PCCB: variants seen among roughly 807,000 people sequenced by gnomAD.
PCCB encodes propionyl-CoA carboxylase beta chain, mitochondrial.
In PCCB, 43 loss-of-function variants were observed where a neutral mutation model predicts 60.7. The observed-to-expected ratio is 0.71, with a 90% CI of 0.55 to 0.91. The LOEUF is 0.91. Among genes scored for constraint, PCCB ranks in the 40% least tolerant of loss-of-function variants. The pLI, the probability that PCCB is intolerant of heterozygous loss-of-function variation, is 0.00. For synonymous variants in PCCB, 276 were observed against 255.9 expected, an observed-to-expected ratio of 1.08 and a Z score of -0.75; for missense variants, 766 against 702.8, an observed-to-expected ratio of 1.09 and a Z score of -1.02.
rs1180210426 is a variant in PCCB at position 136,262,163 on chromosome 3, G to A, written c.543+98G>A. 3.8e-6 allele frequency: 3 copies of A among 787,508 alleles called. No individual in the cohort carries two copies. The South Asian group carries it at 4.4e-5, about 12-fold the overall frequency. 48.8% of individuals were successfully genotyped at this position (787,508 alleles called of 1,614,324 possible). On this transcript the variant is annotated intron_variant, in intron 5 of 14. Coordinates refer to ENST00000251654, the MANE Select transcript of PCCB (RefSeq NM_000532.5). Reference sequence around the variant, plus strand: ...TCTCCAACTCTCCTCATTGTTCTCTGCCGCATTGTGTCTGTTCTGTGGGTC... The same window carrying A: ...TCTCCAACTCTCCTCATTGTTCTCTACCGCATTGTGTCTGTTCTGTGGGTC...
intron 1 of PCCB, among the ~76,000 whole-genome samples, chr3:136,253,243 C>G (rs1446005005): frequency 6.6e-6 from 1 of 151,940 alleles, no homozygotes; most frequent in Non-Finnish European, 1.5e-5. Flanking sequence ...GTGCCCACCA[C>G]CACACCTGGC....
chr3:136,317,203 T>C, intron 10 of PCCB, 139 bp downstream of exon 10: 1 of 477,406 alleles, frequency 2.1e-6, no homozygotes, highest in Non-Finnish European at 3.5e-6. Context: ...ATGGTTGTTA[T>C]AAAAGCTAAT....
intron 8 of PCCB, among the ~76,000 whole-genome samples, chr3:136,299,933 T>C (rs551479922): frequency 6.6e-6 from 1 of 152,086 alleles, no homozygotes; most frequent in East Asian, 1.9e-4. Flanking sequence ...CATATGTATA[T>C]GTATACGCAT....
chr3:136,297,076 T>C lies in PCCB; in HGVS notation c.764-876T>C, dbSNP rs977533279. On this transcript the variant is annotated intron_variant, in intron 7 of 14. Coordinates refer to ENST00000251654, the MANE Select transcript of PCCB (RefSeq NM_000532.5). ...GGACTGGGATTGTTGTAGTTTCAAA[T>C]AGGGTGGTAACAGTAGGCCTCACTG... Among the ~76,000 whole-genome samples, 18 of 152,260 alleles carry C rather than the reference T, an allele frequency of 1.2e-4. No individual in the cohort carries two copies. In the East Asian group the frequency reaches 1.4e-3, roughly 11 times the overall value.
intron 8 of PCCB, 98 bp from the exon 9 acceptor site, chr3:136,300,932 C>T (rs1165912906): frequency 2.4e-6 from 2 of 840,748 alleles, no homozygotes; most frequent in African/African-American, 3.3e-5. Context: ...TGGCCCAGTC[C>T]CTATGACGTG....
intron 10 of PCCB, chr3:136,326,304 C>T (rs1433143579): frequency 1.4e-6 from 1 of 702,270 alleles, no homozygotes; most frequent in African/African-American, 1.7e-5. Flanking sequence ...TAATTGAGCT[C>T]CTACTCTGTG....
chr3:136,261,741 T>G (rs904179813), intron 4 of PCCB, among the ~76,000 whole-genome samples: 2 of 152,104 alleles, frequency 1.3e-5, no homozygotes, highest in Non-Finnish European at 2.9e-5. Flanking sequence ...GGCTCTTGGG[T>G]GTTTGGGGGC....
chr3:136,255,149 C>T (rs1941634869), intron 1 of PCCB, among the ~76,000 whole-genome samples: 1 of 152,178 alleles, frequency 6.6e-6, no homozygotes, highest in African/African-American at 2.4e-5. Flanking sequence ...GCTGGGATTA[C>T]AGGCGTGAAC....
intron 9 of PCCB, among the ~76,000 whole-genome samples, chr3:136,311,967 A>C (rs1934686273): frequency 6.6e-6 from 1 of 152,220 alleles, no homozygotes; most frequent in African/African-American, 2.4e-5. Context: ...GTGCACATGG[A>C]AAAATAAAAG....
chr3:136,319,621 CTCCTGACT>C (rs1935038594), intron 10 of PCCB, among the ~76,000 whole-genome samples: 1 of 152,166 alleles, frequency 6.6e-6, no homozygotes, highest in South Asian at 2.1e-4. Context: ...TGGTCTCGAA[CTCCTGACT>C]TCCAGTGATC....
intron 3 of PCCB, chr3:136,260,198 C>G: frequency 2.1e-6 from 1 of 480,052 alleles, no homozygotes; most frequent in Non-Finnish European, 3.8e-6. Flanking sequence ...CTCAGCCTCC[C>G]GAGTAGCTGG....
chr3:136,320,078 T>G lies in PCCB; in HGVS notation c.1090+3014T>G, dbSNP rs564399499. Among the ~76,000 whole-genome samples, 16 of 152,362 alleles carry G rather than the reference T, an allele frequency of 1.1e-4. No homozygotes were observed. In the East Asian group the frequency reaches 2.9e-3, roughly 28 times the overall value. On this transcript the variant is annotated intron_variant, in intron 10 of 14. Transcript: ENST00000251654. ...GTCTGTATGTCTGTCCATATTCCAG[T>G]GTCACACTGTTTTGATTACTGTAGC...
chr3:136,268,090 A>ATATATATATGTATATG (rs1306316170), intron 5 of PCCB, among the ~76,000 whole-genome samples: 2 of 59,938 alleles, frequency 3.3e-5, no homozygotes, highest in African/African-American at 1.7e-4. Context: ...GTGTGTAGAT[A>ATATATATATGTATATG]TATATATATA....
intron 5 of PCCB, among the ~76,000 whole-genome samples, chr3:136,272,176 AT>A (rs1560004743): frequency 6.6e-6 from 1 of 152,118 alleles, no homozygotes; most frequent in Non-Finnish European, 1.5e-5. Flanking sequence ...TGACTTGCAT[AT>A]GTTAAACCAT....
At chr3:136,280,958 A>G (rs924582353) in intron 5 of PCCB, among the ~76,000 whole-genome samples, 1 of 152,194 alleles carries the variant, frequency 6.6e-6, no homozygotes, top group Admixed American at 6.5e-5. Flanking sequence ...CTGACTTTTC[A>G]GTACTTTAAA....
chr3:136,295,919 T>C (rs1933913064), intron 7 of PCCB, among the ~76,000 whole-genome samples: 1 of 152,012 alleles, frequency 6.6e-6, no homozygotes, highest in African/African-American at 2.4e-5. Context: ...CAATCTCAAG[T>C]ACGTTTTGTT....
chr3:136,329,945 C>G lies in PCCB; in HGVS notation c.1539C>G (p.Ala513=), dbSNP rs2108241686. 5 of 1,614,126 alleles carry G rather than the reference C, an allele frequency of 3.1e-6. No individual in the cohort carries two copies. The South Asian group carries it at 4.4e-5, about 14-fold the overall frequency. Residue 513 remains alanine (A), a synonymous_variant, in exon 15 of 15, where the codon GCC becomes GCG. Transcript: ENST00000251654. ...DDIIQPSSTR[A]RICCDLDVLA... ...TCATCCAACCTTCTTCCACACGTGCCCGAATCTGCTGTGACCTGGATGTCT... is the reference window on the plus strand; with the variant it reads ...TCATCCAACCTTCTTCCACACGTGCGCGAATCTGCTGTGACCTGGATGTCT...
chr3:136,273,911 CAAAAAAAAAAAAA>C (rs34690853), intron 5 of PCCB, among the ~76,000 whole-genome samples: 6 of 55,488 alleles, frequency 1.1e-4, no homozygotes, highest in African/African-American at 3.4e-4. Flanking sequence ...GACTCTGTCT[CAAAAAAAAAAAAA>C]AAAAAAAAAA....
intron 6 of PCCB, among the ~76,000 whole-genome samples, chr3:136,291,386 T>A (rs1219990146): frequency 6.6e-6 from 1 of 152,212 alleles, no homozygotes; most frequent in African/African-American, 2.4e-5. Flanking sequence ...TTTTGTCTTT[T>A]AGTGTGTCTT....
Sources: allele counts gnomAD v4.1 joint callset (sites outside exome capture counted in the v4.1 genomes callset), GRCh38; gene constraint gnomAD v4.1.1; transcripts MANE v1.5; gene names NCBI Gene and HGNC (gene_info 2026-07-23, HGNC 2026-07-21).